The following NKAIN2 variants were observed in gnomAD, a reference collection of about 807,000 sequenced individuals.
The protein encoded by NKAIN2 is sodium/potassium-transporting ATPase subunit beta-1-interacting protein 2.
In NKAIN2, 14 loss-of-function variants were observed where a neutral mutation model predicts 32.6. That is an observed-to-expected ratio of 0.43 (90% CI 0.28 to 0.67). The LOEUF (loss-of-function observed/expected upper bound fraction) is 0.67, where lower values mean the gene tolerates loss of function less well. NKAIN2 is among the 30% of genes least tolerant of loss of function. The pLI is 0.17. For synonymous variants in NKAIN2, 80 were observed against 87.2 expected (o/e 0.92, Z 0.46); for missense variants, 198 against 258.3 (o/e 0.77, Z 1.60).
At chr6:124,090,080 A>G (rs556860841) in intron 1 of NKAIN2, among the ~76,000 whole-genome samples, 9 of 152,158 alleles carry the variant, frequency 5.9e-5, no homozygotes, top group African/African-American at 2.2e-4. Flanking sequence ...TATGTGTTTC[A>G]TATTCAATAC....
chr6:124,274,931 G>GAC lies in NKAIN2; in HGVS notation c.55-8066_55-8065dup, dbSNP rs570082448. On this transcript the variant is annotated intron_variant, in intron 1 of 6. Transcript: ENST00000368417. ...ACACATTTATAAAACTTGGCATGTG[G>GAC]ACACACACAACAAGGATCAGGAATT... Among the ~76,000 whole-genome samples, 16 of 151,996 alleles carry GAC rather than the reference G, an allele frequency of 1.1e-4. No individual in the cohort carries two copies. In the East Asian group the frequency reaches 3.1e-3, roughly 29 times the overall value.
intron 1 of NKAIN2, among the ~76,000 whole-genome samples, chr6:123,832,517 A>G (rs1774430297): frequency 6.6e-6 from 1 of 152,196 alleles, no homozygotes; most frequent in Admixed American, 6.5e-5. Context: ...ATTCTATGGT[A>G]AGAATACATT....
At chr6:123,996,542 A>G (rs1277332954) in intron 1 of NKAIN2, among the ~76,000 whole-genome samples, 1 of 152,148 alleles carries the variant, frequency 6.6e-6, no homozygotes, top group Non-Finnish European at 1.5e-5. Context: ...TAACTTCAAT[A>G]CTGAAAGTTT....
rs570008504 is a variant in NKAIN2, at chr6:123,974,635, T to C, written c.54+170381T>C. Among the ~76,000 whole-genome samples the C allele has an allele frequency of 2.1e-3, 315 of 152,230 alleles. 2 individuals carry two copies. The highest frequency in any genetic ancestry group is 3.4e-3 in the Admixed American group (52 of 15,268). On this transcript the variant is annotated intron_variant, in intron 1 of 6. Transcript: ENST00000368417. ...GCTTGTGCGGGCAAAAGGTTGACCA[T>C]TGAATTGAAGAATGTGCTTTTCAGA... is the stretch of plus-strand genomic sequence containing the variant.
At position 124,011,396 on chromosome 6, in the gene NKAIN2, G is replaced by A. The variant is rs376836918; in HGVS notation, c.54+207142G>A. ...GCATATTCCCAAGTCAGCAATTCCT[G>A]TTCTTTTTTTTTTTTTAGCCTGAGA... On this transcript the variant is annotated intron_variant, in intron 1 of 6. Transcript: ENST00000368417. 2.9e-4 allele frequency among the ~76,000 whole-genome samples: 43 copies of A among 147,800 alleles called. No individual in the cohort carries two copies. In the South Asian group the frequency reaches 8.3e-3, roughly 28 times the overall value.
chr6:123,882,044 T>C (rs1201266884), intron 1 of NKAIN2, among the ~76,000 whole-genome samples: 5 of 152,172 alleles, frequency 3.3e-5, no homozygotes, highest in Admixed American at 6.5e-5. Context: ...ACTAAAAATC[T>C]ATGAATATTT....
intron 1 of NKAIN2, among the ~76,000 whole-genome samples, chr6:124,062,914 G>C (rs2114859933): frequency 6.6e-6 from 1 of 152,176 alleles, no homozygotes; most frequent in South Asian, 2.1e-4. Context: ...GTATTATCAG[G>C]CTGGGCGCGG....
intron 5 of NKAIN2, among the ~76,000 whole-genome samples, chr6:124,804,123 G>A (rs1780407027): frequency 6.6e-6 from 1 of 152,130 alleles, no homozygotes; most frequent in Admixed American, 6.5e-5. Context: ...CCCCCATCTT[G>A]ATGCTACCAA....
chr6:124,802,049 T>G (rs900197620), intron 5 of NKAIN2, among the ~76,000 whole-genome samples: 3 of 152,162 alleles, frequency 2.0e-5, no homozygotes, highest in Non-Finnish European at 4.4e-5. Flanking sequence ...TTGCTACTGT[T>G]GTTCTAAGAA....
intron 3 of NKAIN2, among the ~76,000 whole-genome samples, chr6:124,637,236 T>C (rs977095272): frequency 6.6e-6 from 1 of 151,996 alleles, no homozygotes; most frequent in Non-Finnish European, 1.5e-5. Flanking sequence ...AAAAGAAACA[T>C]ACCTTGACAG....
intron 1 of NKAIN2, among the ~76,000 whole-genome samples, chr6:123,973,742 T>G (rs1377341408): frequency 1.3e-5 from 2 of 152,036 alleles, no homozygotes; most frequent in East Asian, 3.9e-4. Context: ...CGTGTAGTTG[T>G]TTCACCATGT....
At chr6:124,671,698 C>T (rs1773107610) in intron 4 of NKAIN2, among the ~76,000 whole-genome samples, 1 of 151,986 alleles carries the variant, frequency 6.6e-6, no homozygotes, top group Non-Finnish European at 1.5e-5. Flanking sequence ...TTCACCATCC[C>T]TGCACTCTCT....
intron 3 of NKAIN2, among the ~76,000 whole-genome samples, chr6:124,610,927 A>C (rs1422085560): frequency 6.6e-6 from 1 of 152,164 alleles, no homozygotes; most frequent in African/African-American, 2.4e-5. Flanking sequence ...CTTATGCATC[A>C]TCATTATCCT....
At chr6:124,642,419 G>C (rs1363134673) in intron 3 of NKAIN2, among the ~76,000 whole-genome samples, 7 of 152,120 alleles carry the variant, frequency 4.6e-5, no homozygotes, top group Admixed American at 4.6e-4. Flanking sequence ...GCTATACTTA[G>C]AATGATAAAT....
At chr6:123,851,274 G>C (rs1459423771) in intron 1 of NKAIN2, among the ~76,000 whole-genome samples, 4 of 101,116 alleles carry the variant, frequency 4.0e-5, no homozygotes, top group Admixed American at 2.7e-4. Flanking sequence ...TTTTGAGACA[G>C]AGTCTGGCTC....
At chr6:124,517,073 T>C (rs1419536684) in intron 3 of NKAIN2, among the ~76,000 whole-genome samples, 2 of 152,308 alleles carry the variant, frequency 1.3e-5, no homozygotes, top group Non-Finnish European at 1.5e-5. Flanking sequence ...GTTCTAGATA[T>C]GTCTTGGGAG....
intron 1 of NKAIN2, among the ~76,000 whole-genome samples, chr6:124,073,669 A>G (rs1783559464): frequency 6.6e-6 from 1 of 152,074 alleles, no homozygotes; most frequent in African/African-American, 2.4e-5. Flanking sequence ...CTTCTAAGTT[A>G]TTTTCAGGTT....
intron 1 of NKAIN2, among the ~76,000 whole-genome samples, chr6:124,261,838 G>A (rs1356710647): frequency 3.3e-5 from 5 of 151,002 alleles, no homozygotes; most frequent in African/African-American, 9.8e-5. Flanking sequence ...AATCCAGCCT[G>A]GGTGAAAGAG....
chr6:124,448,408 G>C (rs540714614), intron 3 of NKAIN2, among the ~76,000 whole-genome samples: 1 of 152,158 alleles, frequency 6.6e-6, no homozygotes, highest in Non-Finnish European at 1.5e-5. Flanking sequence ...AGAGAGACTT[G>C]TCAATTCCCT....
Sources: allele counts gnomAD v4.1 joint callset (sites outside exome capture counted in the v4.1 genomes callset), GRCh38; gene constraint gnomAD v4.1.1; transcripts MANE v1.5; gene names NCBI Gene and HGNC (gene_info 2026-07-23, HGNC 2026-07-21).